SPECC1L: variants seen among roughly 807,000 people sequenced by gnomAD.
The protein encoded by SPECC1L is cytospin-A.
SPECC1L carries 40 observed loss-of-function variants against 116.8 expected under a neutral mutation model. That is an observed-to-expected ratio of 0.34 (90% CI 0.27 to 0.45). The LOEUF (loss-of-function observed/expected upper bound fraction) is 0.45. SPECC1L is among the 20% of genes least tolerant of loss of function. SPECC1L has a pLI of 1.00. For missense variants in SPECC1L, 1,110 were observed against 1,373.6 expected, an observed-to-expected ratio of 0.81 and a Z score of 3.03; for synonymous variants, 504 against 500.6, an observed-to-expected ratio of 1.01 and a Z score of -0.09.
chr22:24,376,217 G>C (rs995327155), intron 14 of SPECC1L, among the ~76,000 whole-genome samples: 2 of 152,098 alleles, frequency 1.3e-5, no homozygotes, highest in Non-Finnish European at 1.5e-5. Flanking sequence ...AAGAGATAGG[G>C]TCTCACTATG....
intron 8 of SPECC1L, among the ~76,000 whole-genome samples, chr22:24,332,246 T>C (rs1323199891): frequency 6.6e-6 from 1 of 152,198 alleles, no homozygotes; most frequent in Non-Finnish European, 1.5e-5. Context: ...AAATTTGTTA[T>C]TTACCATTGG....
At chr22:24,278,578 GAAA>G (rs1460033676) in intron 2 of SPECC1L, among the ~76,000 whole-genome samples, 1 of 152,176 alleles carries the variant, frequency 6.6e-6, no homozygotes, top group Non-Finnish European at 1.5e-5. Flanking sequence ...AAGCGTTAAA[GAAA>G]AACACACAAA....
rs538972717 is a variant in SPECC1L at position 24,383,792 on chromosome 22, A to ATTTTTTTTTTT, written c.3087+14502_3087+14512dup. Among the ~76,000 whole-genome samples the ATTTTTTTTTTT allele has an allele frequency of 5.7e-4, 44 of 77,318 alleles. 6 individuals are homozygous for ATTTTTTTTTTT. The highest frequency in any genetic ancestry group is 9.1e-4 in the African/African-American group (14 of 15,324). 50.7% of individuals were successfully genotyped at this position (77,318 alleles called of 152,430 possible). On this transcript the variant is annotated intron_variant, in intron 14 of 16. Transcript: ENST00000314328. Reference sequence around the variant, plus strand: ...GCTGGGATTACAGGCACCCACCACTATTTTTTTTTTTTTTTTTTTTTTTTT... The same window carrying ATTTTTTTTTTT: ...GCTGGGATTACAGGCACCCACCACTATTTTTTTTTTTTTTTTTTTTTTTTTTTTTTTTTTTT...
intron 11 of SPECC1L, 72 bp downstream of exon 11, chr22:24,347,248 A>G (rs2041316103): frequency 8.6e-7 from 1 of 1,168,086 alleles, no homozygotes; most frequent in African/African-American, 1.5e-5. Context: ...TTGGCAAACT[A>G]AATATTTTCT....
At position 24,405,180 on chromosome 22, in the gene SPECC1L, G is replaced by A. The variant is rs73879052; in HGVS notation, c.3088-6408G>A. Among the ~76,000 whole-genome samples the A allele has an allele frequency of 4.3e-4, 66 of 152,284 alleles. 3 individuals are homozygous for A. In the South Asian group the frequency reaches 0.012, roughly 27 times the overall value. On this transcript the variant is annotated intron_variant, in intron 14 of 16. Transcript: ENST00000314328. ...GTTATTGTAGAGCATGCTTCCTACCGTTGTGTTTTGAGTGAGAACTTCCAG... is the reference window on the plus strand; with the variant it reads ...GTTATTGTAGAGCATGCTTCCTACCATTGTGTTTTGAGTGAGAACTTCCAG...
chr22:24,319,786 C>T (rs1409886016), intron 4 of SPECC1L, among the ~76,000 whole-genome samples: 1 of 152,230 alleles, frequency 6.6e-6, no homozygotes, highest in Non-Finnish European at 1.5e-5. Flanking sequence ...CTCCCTCTAT[C>T]TGTGGAGATC....
chr22:24,283,969 T>C (rs1209665114), intron 2 of SPECC1L, among the ~76,000 whole-genome samples: 1 of 152,190 alleles, frequency 6.6e-6, no homozygotes, highest in East Asian at 1.9e-4. Flanking sequence ...TTAATGCTGG[T>C]AATTTGTGTC....
At chr22:24,349,991 C>T (rs2041389575) in intron 11 of SPECC1L, among the ~76,000 whole-genome samples, 1 of 152,194 alleles carries the variant, frequency 6.6e-6, no homozygotes, top group Non-Finnish European at 1.5e-5. Context: ...CAGACCCTCG[C>T]AGCCTGGCCT....
chr22:24,380,464 C>T (rs147858252), intron 14 of SPECC1L, among the ~76,000 whole-genome samples: 3 of 152,266 alleles, frequency 2.0e-5, no homozygotes, highest in South Asian at 2.1e-4. Flanking sequence ...TTGGAACGTG[C>T]GTGCTTTATG....
chr22:24,325,953 CTGTT>C (rs1035336483), intron 6 of SPECC1L, among the ~76,000 whole-genome samples: 1 of 151,892 alleles, frequency 6.6e-6, no homozygotes, highest in African/African-American at 2.4e-5. Context: ...CTGTTTTTTG[CTGTT>C]TGTTTGCTTT....
At position 24,324,272 on chromosome 22, in the gene SPECC1L, A is replaced by G. The variant is rs200617696; in HGVS notation, c.1991A>G (p.Asp664Gly). 1.9e-6 allele frequency: 3 copies of G among 1,614,120 alleles called. No individual in the cohort carries two copies. Among genetic ancestry groups the G allele is most frequent in the Non-Finnish European group, 1.7e-6 (2 of 1,180,004 alleles). Residue 664 changes from aspartate (D) to glycine (G), a missense_variant, in exon 6 of 17, where the codon GAT (aspartate) becomes GGT (glycine). Coordinates refer to ENST00000314328, the MANE Select transcript of SPECC1L (RefSeq NM_015330.6). The part of the protein sequence containing the change: ...FQEEAKKQIE[D>G]LNMTLEKLRS... ...GAAGAAGCTAAGAAACAAATTGAAGATTTGAATATGACGTTAGAAAAATTA... is the reference window on the plus strand; with the variant it reads ...GAAGAAGCTAAGAAACAAATTGAAGGTTTGAATATGACGTTAGAAAAATTA...
intron 12 of SPECC1L, among the ~76,000 whole-genome samples, chr22:24,363,816 C>T (rs1029711395): frequency 6.6e-6 from 1 of 151,470 alleles, no homozygotes; most frequent in Admixed American, 6.6e-5. Context: ...AATATTTGTG[C>T]CCTCTGGATC....
At chr22:24,298,736 C>A (rs1045758365) in intron 2 of SPECC1L, among the ~76,000 whole-genome samples, 17 of 152,332 alleles carry the variant, frequency 1.1e-4, no homozygotes, top group Admixed American at 5.9e-4. Context: ...TCTTACTTAG[C>A]CTTTTTGTTT....
chr22:24,322,909 CA>C lies in SPECC1L; in HGVS notation c.1930del (p.Ile644LeufsTer4), dbSNP rs2040748706. ...RNDANRLQDA[I>X]AKVEDEYRAF... ...ATGATGCCAATCGATTACAGGATGCCATTGCTAAGGTATTGTTTAAATAGAT... is the reference window on the plus strand; with the variant it reads ...ATGATGCCAATCGATTACAGGATGCCTTGCTAAGGTATTGTTTAAATAGAT... On this transcript the variant is annotated frameshift_variant, in exon 5 of 17. Transcript: ENST00000314328. LOFTEE classifies it high-confidence loss of function. 6.2e-7 allele frequency: 1 copy of C among 1,613,790 alleles called. No individual in the cohort carries two copies. Among genetic ancestry groups the C allele is most frequent in the Non-Finnish European group, 8.5e-7 (1 of 1,179,868 alleles).
intron 11 of SPECC1L, among the ~76,000 whole-genome samples, chr22:24,350,224 C>CT (rs1397806617): frequency 2.6e-5 from 4 of 152,096 alleles, no homozygotes; most frequent in African/African-American, 9.7e-5. Flanking sequence ...CCACACACCC[C>CT]TTTCTCTGCT....
At chr22:24,295,724 G>A (rs1486725988) in intron 2 of SPECC1L, among the ~76,000 whole-genome samples, 1 of 152,124 alleles carries the variant, frequency 6.6e-6, no homozygotes, top group East Asian at 1.9e-4. Flanking sequence ...GGCCGAGGGT[G>A]GATCATCTGA....
intron 14 of SPECC1L, among the ~76,000 whole-genome samples, chr22:24,381,029 T>G (rs1280004254): frequency 6.6e-6 from 1 of 152,222 alleles, no homozygotes; most frequent in Non-Finnish European, 1.5e-5. Context: ...ACAACCACTT[T>G]TAATTTTTTT....
At chr22:24,339,702 C>G (rs1161986643) in intron 10 of SPECC1L, among the ~76,000 whole-genome samples, 1 of 152,218 alleles carries the variant, frequency 6.6e-6, no homozygotes, top group Non-Finnish European at 1.5e-5. Context: ...GACATTTGTG[C>G]TGTGTTTACT....
In SPECC1L at chr22:24,416,406, C is replaced by T. The variant is rs2042802579; in HGVS notation, c.*1783C>T. Reference sequence around the variant, plus strand: ...CGCAGACTCCTGGCCCCGTCCCGCCCCCTGTCTGAGTTGTGTTTTTGTTGC... The same window carrying T: ...CGCAGACTCCTGGCCCCGTCCCGCCTCCTGTCTGAGTTGTGTTTTTGTTGC... On this transcript the variant is annotated 3_prime_UTR_variant, in exon 17 of 17. Transcript: ENST00000314328. The T allele has an allele frequency of 6.6e-6, 1 of 152,328 alleles. No individual in the cohort carries two copies. The allele number at this position is 152,328 out of a possible 1,614,324, so 9.4% of individuals were successfully genotyped here.
Sources: allele counts gnomAD v4.1 joint callset (sites outside exome capture counted in the v4.1 genomes callset), GRCh38; gene constraint gnomAD v4.1.1; transcripts MANE v1.5; gene names NCBI Gene and HGNC (gene_info 2026-07-23, HGNC 2026-07-21).